TNRC18: variants seen among roughly 807,000 people sequenced by gnomAD.
TNRC18 encodes the protein trinucleotide repeat-containing gene 18 protein.
TNRC18 carries 69 observed loss-of-function variants against 226.7 expected under a neutral mutation model. That is an observed-to-expected ratio of 0.30 (90% confidence interval 0.25 to 0.37). The LOEUF (loss-of-function observed/expected upper bound fraction) is 0.37. Ranked by LOEUF, TNRC18 falls within the 10% of genes least tolerant of loss-of-function variation. TNRC18 has a pLI of 1.00. For missense variants in TNRC18, 4,754 were observed against 4,256.6 expected (o/e 1.12, Z -3.25); for synonymous variants, 2,449 against 1,927.6 (o/e 1.27, Z -7.09).
chr7:5,328,165 C>T lies in TNRC18; in HGVS notation c.6148-2917G>A, dbSNP rs548538576. On this transcript the variant is annotated intron_variant, in intron 19 of 29. Transcript: ENST00000430969. ...CCCGGGAGGCAGAGGTTGCAGTGAG[C>T]TGAGGTTGCACCACTGTACTCCAGC... is the stretch of plus-strand genomic sequence containing the variant. Among the ~76,000 whole-genome samples the T allele has an allele frequency of 3.4e-4, 51 of 152,192 alleles. 1 individual carries two copies. The highest frequency in any genetic ancestry group is 3.4e-3 in the Middle Eastern group (1 of 294).
intron 5 of TNRC18, among the ~76,000 whole-genome samples, chr7:5,380,210 C>A (rs1779300953): frequency 6.6e-6 from 1 of 152,192 alleles, no homozygotes; most frequent in South Asian, 2.1e-4. Context: ...CTCTGGGAGG[C>A]CGAGGTGGGA....
chr7:5,307,711 T>C lies in TNRC18; in HGVS notation c.*395A>G. 6.0e-6 allele frequency: 2 copies of C among 334,630 alleles called. No individual in the cohort carries two copies. Among genetic ancestry groups the C allele is most frequent in the South Asian group, 4.6e-5 (2 of 43,036 alleles). 20.7% of individuals were successfully genotyped at this position (334,630 alleles called of 1,614,324 possible). The stretch of plus-strand genomic sequence containing the variant: ...CCAGAGTGAGCGTCAGTTTGGTTCC[T>C]TAGAAGCGCCCCTCCCCACCGAATC... On this transcript the variant is annotated 3_prime_UTR_variant, in exon 30 of 30. Coordinates refer to ENST00000430969, the MANE Select transcript of TNRC18 (RefSeq NM_001080495.3).
rs570944659 is a variant in TNRC18 at position 5,388,326 on chromosome 7, G to A, written c.1498C>T (p.Arg500Cys). The stretch of plus-strand genomic sequence containing the variant: ...TGCTCAGGGCCGGTGGGCGGGGGGC[G>A]CCCGGGCTCCAGGCCGAAGAGCTTG... ...AAKLFGLEPGRPPPTGPEHKW... is the reference protein window; with the variant it reads ...AAKLFGLEPGCPPPTGPEHKW... Residue 500 changes from arginine (R) to cysteine (C), a missense_variant, in exon 5 of 30, where the codon CGC (arginine) becomes TGC (cysteine). Arg to Cys is a radical substitution (Grantham distance 180). Coordinates refer to ENST00000430969, the MANE Select transcript of TNRC18 (RefSeq NM_001080495.3). The A allele has an allele frequency of 9.7e-5, 89 of 913,236 alleles. No individual in the cohort carries two copies. Among genetic ancestry groups the A allele is most frequent in the South Asian group, 9.3e-4 (72 of 77,330 alleles). The allele number at this position is 913,236 out of a possible 1,614,324, so 56.6% of individuals were successfully genotyped here.
At chr7:5,356,885 G>T in intron 16 of TNRC18, 31 bp downstream of exon 16, 1 of 1,499,500 alleles carries the variant, frequency 6.7e-7, no homozygotes, top group South Asian at 1.3e-5. Context: ...AGAAGCAGCG[G>T]ACCAGAGGTG....
chr7:5,414,726 C>A (rs919643170), intron 2 of TNRC18, among the ~76,000 whole-genome samples: 1 of 152,172 alleles, frequency 6.6e-6, no homozygotes, highest in Non-Finnish European at 1.5e-5. Context: ...TTTCAGTATT[C>A]TTATTTCCTA....
chr7:5,372,622 G>A (rs1015252752), intron 10 of TNRC18, among the ~76,000 whole-genome samples: 1 of 152,198 alleles, frequency 6.6e-6, no homozygotes, highest in Non-Finnish European at 1.5e-5. Flanking sequence ...GGCAAAGGTG[G>A]AAAGATCACT....
At position 5,307,271 on chromosome 7, in the gene TNRC18, A is replaced by C. The variant is rs1392796545; in HGVS notation, c.*835T>G. ...AAAAAGTTTATATATATATTTATATATATTTATCTTTATATATATAATTAA... is the reference window on the plus strand; with the variant it reads ...AAAAAGTTTATATATATATTTATATCTATTTATCTTTATATATATAATTAA... On this transcript the variant is annotated 3_prime_UTR_variant, in exon 30 of 30. Transcript: ENST00000430969. 6.7e-6 allele frequency: 1 copy of C among 149,082 alleles called. No individual in the cohort carries two copies. The highest frequency in any genetic ancestry group is 2.4e-5 in the African/African-American group (1 of 40,936). 9.2% of individuals were successfully genotyped at this position (149,082 alleles called of 1,614,324 possible). A position where few individuals can be genotyped will look rare whatever the true frequency, so the allele number is the denominator to read the frequency against.
At chr7:5,373,350 C>G (rs1041521383) in intron 10 of TNRC18, among the ~76,000 whole-genome samples, 17 of 152,232 alleles carry the variant, frequency 1.1e-4, no homozygotes, top group Admixed American at 3.9e-4. Flanking sequence ...GAATAGCAAC[C>G]CAGTTCTGTC....
At position 5,309,366 on chromosome 7, in the gene TNRC18, C is replaced by T. The variant is rs748085438; in HGVS notation, c.8391G>A (p.Arg2797=). Residue 2797 remains arginine (R), a splice_region_variant and synonymous_variant, in exon 28 of 30, where the codon CGG becomes CGA. Transcript: ENST00000430969. The surrounding 1 kb of genome is among the most constrained non-coding windows in gnomAD (Gnocchi z 5.7). ...LWKWFGKPTQ[R]RGMKGKARKL... is the part of the protein sequence containing the mutation. The stretch of plus-strand genomic sequence containing the variant: ...TGCGGGCCTTGCCCTTCATGCCACG[C>T]CGCTGCAAGGACACGTGTGTCACGG... 1 of 1,609,416 alleles carries T rather than the reference C, an allele frequency of 6.2e-7. No individual in the cohort carries two copies. Among genetic ancestry groups the T allele is most frequent in the South Asian group, 1.1e-5 (1 of 90,346 alleles).
intron 2 of TNRC18, among the ~76,000 whole-genome samples, chr7:5,399,282 T>C (rs141876882): frequency 6.6e-6 from 1 of 152,110 alleles, no homozygotes; most frequent in Non-Finnish European, 1.5e-5. Context: ...CAACCTGCGG[T>C]ATGGGGGTCT....
In TNRC18 at chr7:5,308,423, A is replaced by C. The variant is rs557327142; in HGVS notation, c.8701-111T>G. On this transcript the variant is annotated intron_variant, in intron 29 of 29. Transcript: ENST00000430969. ...AGCAGAGGGAGCCCCAGGGACTGAG[A>C]CAGAGACCAAGTCAGAGACAGAGGC... is the stretch of plus-strand genomic sequence containing the variant. The C allele has an allele frequency of 2.4e-5, 24 of 993,618 alleles. No homozygotes were observed. In the East Asian group the frequency reaches 6.0e-4, roughly 25 times the overall value. The allele number at this position is 993,618 out of a possible 1,614,324, so 61.6% of individuals were successfully genotyped here. A position where few individuals can be genotyped will look rare whatever the true frequency, so the allele number is the denominator to read the frequency against.
chr7:5,401,897 C>T (rs548336694), intron 2 of TNRC18, among the ~76,000 whole-genome samples: 9 of 152,178 alleles, frequency 5.9e-5, no homozygotes, highest in East Asian at 3.9e-4. Flanking sequence ...CCTGGTTGGC[C>T]GGGCGTGGTG....
In TNRC18 at chr7:5,357,050, G is replaced by C; in HGVS notation, c.5060C>G (p.Ser1687Cys). Reference protein sequence around the residue: ...RKALAKGLGLSLKSSREGKHK... With the variant: ...RKALAKGLGLCLKSSREGKHK... ...TTTACCTTCTCTGGAGGATTTCAGAGACAGGCCGAGGCCCTTGGCCAGCGC... is the reference window on the plus strand; with the variant it reads ...TTTACCTTCTCTGGAGGATTTCAGACACAGGCCGAGGCCCTTGGCCAGCGC... The change falls in exon 16 of 30, where the codon TCT (serine) becomes TGT (cysteine). Residue 1687 changes from serine (S) to cysteine (C), a missense_variant. Coordinates refer to ENST00000430969, the MANE Select transcript of TNRC18 (RefSeq NM_001080495.3). The C allele has an allele frequency of 6.4e-7, 1 of 1,552,216 alleles. No homozygotes were observed. Among genetic ancestry groups the C allele is most frequent in the Non-Finnish European group, 8.7e-7 (1 of 1,147,120 alleles).
chr7:5,413,327 C>T (rs1781959263), intron 2 of TNRC18, among the ~76,000 whole-genome samples: 1 of 152,120 alleles, frequency 6.6e-6, no homozygotes, highest in African/African-American at 2.4e-5. Flanking sequence ...CCCTCCCCAT[C>T]CCTCCACAAG....
chr7:5,334,711 C>T (rs1285959707), intron 18 of TNRC18, among the ~76,000 whole-genome samples: 2 of 152,038 alleles, frequency 1.3e-5, no homozygotes, highest in Non-Finnish European at 2.9e-5. Flanking sequence ...GAATGAGGTA[C>T]CACCCCGTAA....
In TNRC18 at chr7:5,324,342, C is replaced by G; in HGVS notation, c.6314G>C (p.Gly2105Ala). 6.2e-7 allele frequency: 1 copy of G among 1,613,580 alleles called. No homozygotes were observed. Among genetic ancestry groups the G allele is most frequent in the Non-Finnish European group, 8.5e-7 (1 of 1,179,724 alleles). ...KEVKKENRGK[G>A]GAVSKLMESM... ...CTCCATCAGCTTGCTCACGGCACCC[C>G]CCTTGCCGCGGTTCTGGGGACAGAA... The change falls in exon 21 of 30, where the codon GGG becomes GCG. Residue 2105 changes from glycine (G) to alanine (A), a missense_variant. Physicochemically the swap from Gly to Ala is moderately conservative, Grantham distance 60. Transcript: ENST00000430969. This position sits in a 1 kb window ranked among gnomAD's most constrained non-coding sequence, Gnocchi z 4.8.
chr7:5,332,137 C>T (rs1789586777), intron 19 of TNRC18, among the ~76,000 whole-genome samples: 1 of 152,080 alleles, frequency 6.6e-6, no homozygotes, highest in Non-Finnish European at 1.5e-5. Context: ...AGAGTAAGGA[C>T]CTCTGTAAGA....
At chr7:5,322,021 T>C (rs1216764082) in intron 21 of TNRC18, among the ~76,000 whole-genome samples, 2 of 151,800 alleles carry the variant, frequency 1.3e-5, no homozygotes, top group East Asian at 4.0e-4. Flanking sequence ...GGCTCACACC[T>C]GTAATCCCAG....
intron 24 of TNRC18, among the ~76,000 whole-genome samples, chr7:5,317,693 TAAGA>T (rs1787988223): frequency 7.1e-6 from 1 of 141,824 alleles, no homozygotes; most frequent in Admixed American, 7.2e-5. Flanking sequence ...ATTCAGAGAA[TAAGA>T]AAGAACTCTT....
Sources: allele counts gnomAD v4.1 joint callset (sites outside exome capture counted in the v4.1 genomes callset), GRCh38; gene constraint gnomAD v4.1.1; non-coding constraint Gnocchi (gnomAD v3.1); transcripts MANE v1.5; gene names NCBI Gene and HGNC (gene_info 2026-07-23, HGNC 2026-07-21).